CASZ1: variants seen among roughly 807,000 people sequenced by gnomAD.
The protein encoded by CASZ1 is castor zinc finger 1, also known as zinc finger protein castor homolog 1.
In CASZ1, 28 loss-of-function variants were observed where a neutral mutation model predicts 135.2. That is an observed-to-expected ratio of 0.21 (90% CI 0.15 to 0.28). The LOEUF (loss-of-function observed/expected upper bound fraction) is 0.28. Among genes scored for constraint, CASZ1 ranks in the 10% least tolerant of loss-of-function variants. CASZ1 has a pLI of 1.00. For synonymous variants in CASZ1, 1,068 were observed against 1,073.4 expected (o/e 0.99, Z 0.10); for missense variants, 2,161 against 2,453.3 (o/e 0.88, Z 2.52).
In CASZ1 at chr1:10,701,826, G is replaced by A. The variant is rs1341072878; in HGVS notation, c.-24+3666C>T. Among the ~76,000 whole-genome samples, 3 of 152,166 alleles carry A rather than the reference G, an allele frequency of 2.0e-5. No homozygotes were observed. Among genetic ancestry groups the A allele is most frequent in the Non-Finnish European group, 4.4e-5 (3 of 68,016 alleles). ...GGGGCTGGCTTTCCTGCCTCCTGCT[G>A]AACTAACAGGTGCTCGTCCAGGAGC... On this transcript the variant is annotated intron_variant, in intron 3 of 20. Transcript: ENST00000377022. The surrounding 1 kb of genome is among the most constrained non-coding windows in gnomAD (Gnocchi z 6.3).
intron 1 of CASZ1, among the ~76,000 whole-genome samples, chr1:10,773,777 C>G (rs980097318): frequency 2.0e-5 from 3 of 152,142 alleles, no homozygotes; most frequent in Non-Finnish European, 4.4e-5. Flanking sequence ...CTGTCCCCAG[C>G]TCACACACAC....
chr1:10,685,484 A>G (rs187513844), intron 4 of CASZ1, among the ~76,000 whole-genome samples: 8 of 152,282 alleles, frequency 5.3e-5, no homozygotes, highest in African/African-American at 1.9e-4. Flanking sequence ...GGGTTCCCCC[A>G]TTTCTCACAC....
At chr1:10,669,716 C>T (rs968312451) in intron 4 of CASZ1, among the ~76,000 whole-genome samples, 1 of 152,148 alleles carries the variant, frequency 6.6e-6, no homozygotes, top group African/African-American at 2.4e-5. Context: ...CTGCAGTGCC[C>T]ACCGCCCATG....
At chr1:10,761,509 G>C (rs2100576136) in intron 1 of CASZ1, among the ~76,000 whole-genome samples, 1 of 152,260 alleles carries the variant, frequency 6.6e-6, no homozygotes, top group Admixed American at 6.5e-5. Flanking sequence ...CCCTGAAAGG[G>C]GGCTGCTGAG....
rs1639237086 is a variant in CASZ1 at position 10,709,292 on chromosome 1, T to A, written c.-76-3748A>T. 6.6e-6 allele frequency among the ~76,000 whole-genome samples: 1 copy of A among 152,132 alleles called. No homozygotes were observed. Among genetic ancestry groups the A allele is most frequent in the African/African-American group, 2.4e-5 (1 of 41,434 alleles). ...ATCCGCCCCCGCACTCCACTGCGTC[T>A]CCTTCCCCCTGCCCCCAGCCCCATC... On this transcript the variant is annotated intron_variant, in intron 2 of 20. Transcript: ENST00000377022. The surrounding 1 kb of genome is among the most constrained non-coding windows in gnomAD (Gnocchi z 5.1).
At position 10,774,866 on chromosome 1, in the gene CASZ1, G is replaced by A. The variant is rs543215907; in HGVS notation, c.-233-14009C>T. Among the ~76,000 whole-genome samples the A allele has an allele frequency of 4.6e-5, 7 of 152,184 alleles. No homozygotes were observed. The East Asian group carries it at 7.7e-4, about 17-fold the overall frequency. ...TACAGACAAGGGAATGAATCCCCAC[G>A]TGTCTCCTGCAACCATCTCTGTTCC... On this transcript the variant is annotated intron_variant, in intron 1 of 20. Transcript: ENST00000377022. The surrounding 1 kb of genome is among the most constrained non-coding windows in gnomAD (Gnocchi z 4.4).
chr1:10,740,181 A>C (rs2100529421), intron 2 of CASZ1, among the ~76,000 whole-genome samples: 1 of 152,338 alleles, frequency 6.6e-6, no homozygotes, highest in Middle Eastern at 3.4e-3. Flanking sequence ...TGAGGCTCAG[A>C]GAGGCAAGGC....
In CASZ1 at chr1:10,637,082, G is replaced by A. The variant is rs2124657379; in HGVS notation, c.*1860C>T. On this transcript the variant is annotated 3_prime_UTR_variant, in exon 21 of 21. Coordinates refer to ENST00000377022, the MANE Select transcript of CASZ1 (RefSeq NM_001079843.3). ...AGTGTGCAATATGAAGTTTACAAAAGGCTAGACTCCGCACTGTCGGCATCT... is the reference window on the plus strand; with the variant it reads ...AGTGTGCAATATGAAGTTTACAAAAAGCTAGACTCCGCACTGTCGGCATCT... The A allele has an allele frequency of 6.6e-6, 1 of 152,322 alleles. No individual in the cohort carries two copies. Among genetic ancestry groups the A allele is most frequent in the East Asian group, 1.9e-4 (1 of 5,184 alleles). The allele number at this position is 152,322 out of a possible 1,614,324, so 9.4% of individuals were successfully genotyped here.
At chr1:10,651,189 T>G (rs1011837289) in intron 11 of CASZ1, 113 bp from the exon 12 acceptor site, 1 of 789,558 alleles carries the variant, frequency 1.3e-6, no homozygotes, top group African/African-American at 1.8e-5. Flanking sequence ...CCCCGGCTAC[T>G]GGTCAGCGCT....
chr1:10,640,115 C>T (rs957790143), intron 20 of CASZ1, 56 bp from the exon 21 acceptor site: 3 of 1,553,518 alleles, frequency 1.9e-6, no homozygotes, highest in East Asian at 2.3e-5. Context: ...GCACCATCAA[C>T]AGGGTTACAC....
At position 10,653,284 on chromosome 1, in the gene CASZ1, A is replaced by T. The variant is rs778534655; in HGVS notation, c.2680+93T>A. 6.2e-6 allele frequency: 8 copies of T among 1,285,498 alleles called. No individual in the cohort carries two copies. The East Asian group carries it at 1.4e-4, about 22-fold the overall frequency. The allele number at this position is 1,285,498 out of a possible 1,614,324, so 79.6% of individuals were successfully genotyped here. ...CAGGGGCCACACGGACACTTCTTCC[A>T]AACACCCCCCGACTCTGCTCTGCAG... On this transcript the variant is annotated intron_variant, in intron 11 of 20. Coordinates refer to ENST00000377022, the MANE Select transcript of CASZ1 (RefSeq NM_001079843.3).
chr1:10,654,679 G>T, intron 9 of CASZ1, 88 bp from the exon 10 acceptor site: 1 of 1,295,086 alleles, frequency 7.7e-7, no homozygotes, highest in South Asian at 1.3e-5. Context: ...TGGGGCCACT[G>T]ACTTCCCTGC....
chr1:10,753,608 C>T (rs557812247), intron 2 of CASZ1, among the ~76,000 whole-genome samples: 4 of 152,248 alleles, frequency 2.6e-5, no homozygotes, highest in South Asian at 2.1e-4. Context: ...GCCAGGGAGG[C>T]GGGTGGGGGT....
Position 10,700,062 on chromosome 1 carries a change from G to T in CASZ1, c.-24+5430C>A. ...AGAGAGAGAGAGAAAGAGAGACAGA[G>T]AGAGAAAGAGAGATAGAGACACACA... On this transcript the variant is annotated intron_variant, in intron 3 of 20. Coordinates refer to ENST00000377022, the MANE Select transcript of CASZ1 (RefSeq NM_001079843.3). The surrounding 1 kb of genome is among the most constrained non-coding windows in gnomAD (Gnocchi z 4.2). Among the ~76,000 whole-genome samples the T allele has an allele frequency of 3.3e-5, 4 of 122,344 alleles. No individual in the cohort carries two copies. The highest frequency in any genetic ancestry group is 6.7e-5 in the Non-Finnish European group (4 of 59,510). 80.3% of individuals were successfully genotyped at this position (122,344 alleles called of 152,430 possible). A position where few individuals can be genotyped will look rare whatever the true frequency, so the allele number is the denominator to read the frequency against.
intron 5 of CASZ1, 119 bp downstream of exon 5, chr1:10,664,964 G>A (rs954503557): frequency 8.4e-7 from 1 of 1,185,600 alleles, no homozygotes; most frequent in African/African-American, 1.6e-5. Context: ...TGGGTGGGAT[G>A]AGGGGCCGGT....
At chr1:10,758,873 T>C (rs559938801) in intron 2 of CASZ1, among the ~76,000 whole-genome samples, 2 of 152,248 alleles carry the variant, frequency 1.3e-5, no homozygotes, top group South Asian at 4.1e-4. Context: ...GACTTGGCCA[T>C]GATATTCTCA....
intron 4 of CASZ1, among the ~76,000 whole-genome samples, chr1:10,677,092 C>G (rs1024472099): frequency 1.3e-5 from 2 of 152,236 alleles, no homozygotes; most frequent in Admixed American, 6.5e-5. Context: ...CGCCCCCCGC[C>G]TCCAAGATGA....
intron 4 of CASZ1, among the ~76,000 whole-genome samples, chr1:10,675,797 C>T (rs1180261327): frequency 1.1e-5 from 1 of 87,704 alleles, no homozygotes; most frequent in Non-Finnish European, 2.0e-5. Context: ...ACATGACCCC[C>T]CCCCCACCCC....
intron 4 of CASZ1, among the ~76,000 whole-genome samples, chr1:10,690,890 T>C (rs1467515643): frequency 6.6e-6 from 1 of 152,200 alleles, no homozygotes; most frequent in African/African-American, 2.4e-5. Flanking sequence ...TCACCCTGGC[T>C]TCTAGCTGTG....
Sources: allele counts gnomAD v4.1 joint callset (sites outside exome capture counted in the v4.1 genomes callset), GRCh38; gene constraint gnomAD v4.1.1; non-coding constraint Gnocchi (gnomAD v3.1); transcripts MANE v1.5; gene names NCBI Gene and HGNC (gene_info 2026-07-23, HGNC 2026-07-21).